PKIB: variants seen among roughly 807,000 people sequenced by gnomAD.
PKIB encodes PKI-beta.
PKIB carries 2 observed loss-of-function variants against 4.5 expected under a neutral mutation model. The ratio of observed to expected loss-of-function variants is 0.44; its 90% CI spans 0.18 to 1.39. The LOEUF is 1.39. Ranked by LOEUF, PKIB falls within the 40% of genes most tolerant of loss-of-function variation. The probability of loss-of-function intolerance (pLI) is 0.27; values close to 1 mark genes in which losing one functional copy is unlikely to be tolerated. For synonymous variants in PKIB, 38 were observed against 36.0 expected, an observed-to-expected ratio of 1.06 and a Z score of -0.20; for missense variants, 94 against 92.6, an observed-to-expected ratio of 1.02 and a Z score of -0.06.
chr6:122,493,629 A>G (rs1300861999), intron 2 of PKIB, among the ~76,000 whole-genome samples: 1 of 152,238 alleles, frequency 6.6e-6, no homozygotes, highest in Non-Finnish European at 1.5e-5. Flanking sequence ...CCTCATAAGT[A>G]GTACCTCTTG....
At chr6:122,479,963 A>T (rs575519260) in intron 2 of PKIB, 1 of 152,340 alleles carries the variant, frequency 6.6e-6, no homozygotes, top group Admixed American at 6.5e-5. Flanking sequence ...AGTTAAAAAA[A>T]GATTAAAGAA....
chr6:122,650,794 G>C (rs976215019), intron 2 of PKIB, among the ~76,000 whole-genome samples: 10 of 152,170 alleles, frequency 6.6e-5, no homozygotes, highest in African/African-American at 2.4e-4. Flanking sequence ...TGGGGTATGT[G>C]AGCAGGTCTT....
chr6:122,509,580 A>G (rs9482248), intron 2 of PKIB, among the ~76,000 whole-genome samples: 21,311 of 151,658 alleles, frequency 0.14, 1,598 homozygotes, highest in East Asian at 0.26. Context: ...ACAGATGCCC[A>G]CCACCACACC....
intron 2 of PKIB, among the ~76,000 whole-genome samples, chr6:122,573,448 T>C (rs1183516439): frequency 7.1e-6 from 1 of 141,276 alleles, no homozygotes; most frequent in Admixed American, 7.7e-5. Context: ...CTTGAGCCCA[T>C]GAAGCAGAGG....
intron 3 of PKIB, among the ~76,000 whole-genome samples, chr6:122,706,085 C>T (rs1268292836): frequency 6.6e-6 from 1 of 152,126 alleles, no homozygotes; most frequent in Non-Finnish European, 1.5e-5. Context: ...TTGCACTCCC[C>T]TCTTTTAGCT....
At chr6:122,660,515 A>T (rs1447089347) in intron 2 of PKIB, among the ~76,000 whole-genome samples, 1 of 152,128 alleles carries the variant, frequency 6.6e-6, no homozygotes, top group East Asian at 1.9e-4. Flanking sequence ...CCATGCTTGG[A>T]TCTCAGGGCT....
chr6:122,605,864 A>G (rs1318501344), upstream of PKIB, among the ~76,000 whole-genome samples: 2 of 152,228 alleles, frequency 1.3e-5, no homozygotes, highest in Non-Finnish European at 2.9e-5. Flanking sequence ...AAAGCTTTAG[A>G]AACATTGATA....
rs568543187 is a variant in PKIB, at chr6:122,477,342, T to A, written c.-336-509T>A. On this transcript the variant is annotated intron_variant, in intron 1 of 6. Transcript: ENST00000392491. ...TTTTTCTTTGTATAAGTTATTTAGA[T>A]ATTTCAGATAAAGTGGTTTTAAGCC... Among the ~76,000 whole-genome samples, 6 of 152,350 alleles carry A rather than the reference T, an allele frequency of 3.9e-5. No homozygotes were observed. The East Asian group carries it at 1.2e-3, about 29-fold the overall frequency.
At chr6:122,516,056 A>C (rs1776741661) in intron 2 of PKIB, among the ~76,000 whole-genome samples, 1 of 152,188 alleles carries the variant, frequency 6.6e-6, no homozygotes, top group Non-Finnish European at 1.5e-5. Flanking sequence ...TTTGAAGTCA[A>C]TGTCAGCTAA....
At chr6:122,666,460 G>GTTTTGT (rs377668918) in intron 2 of PKIB, among the ~76,000 whole-genome samples, 1,696 of 152,230 alleles carry the variant, frequency 0.011, 35 homozygotes, top group African/African-American at 0.037. Flanking sequence ...TGCTAGTTGT[G>GTTTTGT]TTTTGTTTTT....
chr6:122,690,933 T>TATATA (rs397788048), intron 3 of PKIB, among the ~76,000 whole-genome samples: 26 of 112,450 alleles, frequency 2.3e-4, no homozygotes, highest in South Asian at 8.3e-4. Context: ...TATATATATA[T>TATATA]TTTTTTTTTT....
rs756789523 is a variant in PKIB at position 122,700,667 on chromosome 6, C to T, written c.-8-17120C>T. Among the ~76,000 whole-genome samples, 5 of 152,174 alleles carry T rather than the reference C, an allele frequency of 3.3e-5. No individual in the cohort carries two copies. In the East Asian group the frequency reaches 9.6e-4, roughly 29 times the overall value. ...CGTTTCTGTCGTGTGGACTTTTTCCCTCTTTGTTTGTTTCTTTCTCTGCAC... is the reference window on the plus strand; with the variant it reads ...CGTTTCTGTCGTGTGGACTTTTTCCTTCTTTGTTTGTTTCTTTCTCTGCAC... On this transcript the variant is annotated intron_variant, in intron 3 of 4. Transcript: ENST00000368452.
At chr6:122,474,928 A>G (rs1377128242) in intron 1 of PKIB, among the ~76,000 whole-genome samples, 1 of 152,264 alleles carries the variant, frequency 6.6e-6, no homozygotes, top group Non-Finnish European at 1.5e-5. Flanking sequence ...CACAAAAATC[A>G]ATATTAACCA....
At chr6:122,620,763 A>G (rs1775195218) in intron 1 of PKIB, among the ~76,000 whole-genome samples, 1 of 152,208 alleles carries the variant, frequency 6.6e-6, no homozygotes, top group African/African-American at 2.4e-5. Flanking sequence ...TGTTGAGTAA[A>G]TGCTGTTTTG....
intron 2 of PKIB, among the ~76,000 whole-genome samples, chr6:122,531,620 T>C (rs1346036058): frequency 6.6e-6 from 1 of 152,166 alleles, no homozygotes; most frequent in Non-Finnish European, 1.5e-5. Context: ...TAATTCCTAC[T>C]CAGCTTTTGA....
At chr6:122,535,606 T>A (rs1777382397) in intron 2 of PKIB, among the ~76,000 whole-genome samples, 3 of 152,186 alleles carry the variant, frequency 2.0e-5, no homozygotes, top group Admixed American at 1.3e-4. Context: ...TAGTCCTGCT[T>A]GCACTTGCTG....
At chr6:122,721,427 T>A (rs1582847827) in intron 4 of PKIB, among the ~76,000 whole-genome samples, 1 of 152,254 alleles carries the variant, frequency 6.6e-6, no homozygotes, top group Non-Finnish European at 1.5e-5. Context: ...TGTTTCCTTT[T>A]TAGACAAGGA....
chr6:122,717,246 G>C (rs1460666964), intron 3 of PKIB, among the ~76,000 whole-genome samples: 1 of 151,972 alleles, frequency 6.6e-6, no homozygotes, highest in Non-Finnish European at 1.5e-5. Context: ...TCGAAAATTA[G>C]GTCTCAGACC....
chr6:122,657,406 C>T (rs1239810658), intron 2 of PKIB, among the ~76,000 whole-genome samples: 4 of 152,114 alleles, frequency 2.6e-5, no homozygotes, highest in African/African-American at 4.8e-5. Flanking sequence ...ATCACCTACC[C>T]CCAAAATGCA....
Sources: allele counts gnomAD v4.1 joint callset (sites outside exome capture counted in the v4.1 genomes callset), GRCh38; gene constraint gnomAD v4.1.1; transcripts MANE v1.5; gene names NCBI Gene and HGNC (gene_info 2026-07-23, HGNC 2026-07-21).